The following ZNF536 variants were observed in gnomAD, a reference collection of about 807,000 sequenced individuals.
ZNF536 encodes the protein zinc finger protein 536.
In ZNF536, 13 loss-of-function variants were observed where a neutral mutation model predicts 84.5. That is an observed-to-expected ratio of 0.15 (90% CI 0.10 to 0.24). The LOEUF is 0.24. Among genes scored for constraint, ZNF536 ranks in the 10% least tolerant of loss-of-function variants. ZNF536 has a pLI of 1.00. For synonymous variants in ZNF536, 811 were observed against 742.5 expected (o/e 1.09, Z -1.50); for missense variants, 1,536 against 1,747.5 (o/e 0.88, Z 2.16).
At chr19:30,289,604 T>G (rs12460965) in intron 2 of ZNF536, among the ~76,000 whole-genome samples, 35,486 of 151,800 alleles carry the variant, frequency 0.23, 5,068 homozygotes, top group East Asian at 0.54. Context: ...GCTTCTCTCT[T>G]TATTTCTGTG....
intron 1 of ZNF536, among the ~76,000 whole-genome samples, chr19:30,279,831 G>C (rs919117185): frequency 1.4e-4 from 21 of 152,168 alleles, no homozygotes; most frequent in African/African-American, 4.8e-4. Flanking sequence ...GTCCTTCCCC[G>C]GGCAGAGGGC....
At chr19:30,442,084 C>T (rs1008288039) in intron 1 of ZNF536, among the ~76,000 whole-genome samples, 2 of 152,246 alleles carry the variant, frequency 1.3e-5, no homozygotes, top group African/African-American at 4.8e-5. Context: ...CACATCTAAA[C>T]AATGGGATGC....
chr19:30,650,963 A>G (rs974372151), intron 1 of ZNF536, among the ~76,000 whole-genome samples: 1 of 152,246 alleles, frequency 6.6e-6, no homozygotes, highest in African/African-American at 2.4e-5. Flanking sequence ...TGATGTCTAA[A>G]ATATATGTGA....
intron 1 of ZNF536, among the ~76,000 whole-genome samples, chr19:30,704,820 G>A (rs994839457): frequency 3.9e-5 from 6 of 151,930 alleles, no homozygotes; most frequent in African/African-American, 9.7e-5. Context: ...GGAATGTCTC[G>A]CGGTGTTGTT....
intron 2 of ZNF536, among the ~76,000 whole-genome samples, chr19:30,329,845 G>C (rs114863196): frequency 0.017 from 2,536 of 152,198 alleles, 67 homozygotes; most frequent in African/African-American, 0.058. Flanking sequence ...TTGGTGGGGG[G>C]ATACTTTCTC....
At chr19:30,354,999 T>C (rs1048677048) in intron 3 of ZNF536, among the ~76,000 whole-genome samples, 3 of 152,228 alleles carry the variant, frequency 2.0e-5, no homozygotes, top group African/African-American at 2.4e-5. Context: ...GCCCTCCCGA[T>C]TCTTTGCACT....
intron 1 of ZNF536, among the ~76,000 whole-genome samples, chr19:30,628,022 T>G (rs1311361901): frequency 1.3e-5 from 2 of 152,154 alleles, no homozygotes; most frequent in African/African-American, 2.4e-5. Flanking sequence ...TGGGGAGGGC[T>G]TGGAAACTGT....
At chr19:30,382,974 ATATTTCTTTTTCTCCTCCTAAAAAC>A (rs1279429967) in intron 1 of ZNF536, among the ~76,000 whole-genome samples, 1 of 152,120 alleles carries the variant, frequency 6.6e-6, no homozygotes, top group Non-Finnish European at 1.5e-5. Flanking sequence ...AAAATCAAAT[ATATTTCTTTTTCTCCTCCTAAAAAC>A]AACAAACGTG....
chr19:30,506,689 C>A (rs1426412157), intron 2 of ZNF536, among the ~76,000 whole-genome samples: 4 of 152,174 alleles, frequency 2.6e-5, no homozygotes, highest in African/African-American at 9.6e-5. Flanking sequence ...AGAAACCTTT[C>A]TTTCCAAGGA....
intron 2 of ZNF536, among the ~76,000 whole-genome samples, chr19:30,475,738 C>A (rs574518845): frequency 7.0e-4 from 106 of 152,264 alleles, no homozygotes; most frequent in Non-Finnish European, 1.3e-3. Flanking sequence ...CAACCCCACA[C>A]GAGCCCCAGA....
chr19:30,609,736 A>T (rs1464650962), intron 1 of ZNF536, among the ~76,000 whole-genome samples: 1 of 151,784 alleles, frequency 6.6e-6, no homozygotes, highest in Admixed American at 6.6e-5. Context: ...CCATCCACCC[A>T]TCCATCCACC....
intron 1 of ZNF536, among the ~76,000 whole-genome samples, chr19:30,400,789 AT>A (rs1281723304): frequency 1.3e-5 from 2 of 152,112 alleles, no homozygotes; most frequent in African/African-American, 4.8e-5. Flanking sequence ...GTTTGCAAAC[AT>A]TTTCCCCTAG....
At chr19:30,647,885 A>G (rs1198737799) in intron 1 of ZNF536, among the ~76,000 whole-genome samples, 1 of 152,184 alleles carries the variant, frequency 6.6e-6, no homozygotes, top group Non-Finnish European at 1.5e-5. Flanking sequence ...GACAACCGGT[A>G]CAAGAGGGAC....
intron 2 of ZNF536, among the ~76,000 whole-genome samples, chr19:30,322,342 A>G (rs2046885194): frequency 6.6e-6 from 1 of 152,204 alleles, no homozygotes; most frequent in African/African-American, 2.4e-5. Context: ...TATGAAGAAG[A>G]CAATTTTTCC....
At chr19:30,559,839 C>T (rs551612303), downstream of ZNF536, among the ~76,000 whole-genome samples, 9 of 152,288 alleles carry the variant, frequency 5.9e-5, no homozygotes, top group East Asian at 1.9e-4. Context: ...ATCCCCCTAA[C>T]GGGATCTCCA....
intron 1 of ZNF536, among the ~76,000 whole-genome samples, chr19:30,585,098 C>G (rs965630424): frequency 6.7e-6 from 1 of 148,932 alleles, no homozygotes; most frequent in African/African-American, 2.5e-5. Flanking sequence ...CCAGCCTGGG[C>G]AACAGAACTT....
chr19:30,596,700 G>A lies in ZNF536; in HGVS notation c.169+47186G>A, dbSNP rs187472864. On this transcript the variant is annotated intron_variant, in intron 1 of 1. Coordinates refer to the ZNF536 transcript ENST00000592773. ...AAAAAAAAGTAGTAATGTTCCATGGGGATAAAGAATCTTTGCAAAGTAGTC... is the reference window on the plus strand; with the variant it reads ...AAAAAAAAGTAGTAATGTTCCATGGAGATAAAGAATCTTTGCAAAGTAGTC... Among the ~76,000 whole-genome samples, 184 of 152,234 alleles carry A rather than the reference G, an allele frequency of 1.2e-3. 1 individual carries two copies. Among genetic ancestry groups the A allele is most frequent in the African/African-American group, 4.3e-3 (180 of 41,530 alleles).
Position 30,606,252 on chromosome 19 carries a change from TAA to T in ZNF536, c.169+56740_169+56741del, listed in dbSNP as rs1156875238. The stretch of plus-strand genomic sequence containing the variant: ...AATAATAAAATAAAATAAAATAAAA[TAA>T]ATAAAATAAAATAAAATAAAATAAA... On this transcript the variant is annotated intron_variant, in intron 1 of 1. Transcript: ENST00000592773. 6.1e-3 allele frequency among the ~76,000 whole-genome samples: 401 copies of T among 65,876 alleles called. 3 individuals are homozygous for T. Among genetic ancestry groups the T allele is most frequent in the African/African-American group, 0.022 (365 of 16,342 alleles). 43.2% of individuals were successfully genotyped at this position (65,876 alleles called of 152,430 possible).
intron 4 of ZNF536, chr19:30,556,917 T>C (rs1028445829): frequency 2.2e-6 from 1 of 451,570 alleles, no homozygotes. Context: ...AAATAAGCAG[T>C]AATTATCTCC....
Sources: allele counts gnomAD v4.1 joint callset (sites outside exome capture counted in the v4.1 genomes callset), GRCh38; gene constraint gnomAD v4.1.1; transcripts MANE v1.5; gene names NCBI Gene and HGNC (gene_info 2026-07-23, HGNC 2026-07-21).